Variants in TACC2 observed in about 807,000 individuals in gnomAD.
TACC2 encodes transforming acidic coiled-coil-containing protein 2.
TACC2 carries 137 observed loss-of-function variants against 227.3 expected under a neutral mutation model. The ratio of observed to expected loss-of-function variants is 0.60; its 90% CI spans 0.52 to 0.69. The LOEUF (loss-of-function observed/expected upper bound fraction) is 0.69, where lower values mean the gene tolerates loss of function less well. Among genes scored for constraint, TACC2 ranks in the 30% least tolerant of loss-of-function variants. The probability of loss-of-function intolerance (pLI) is 0.00; values close to 1 mark genes in which losing one functional copy is unlikely to be tolerated. For synonymous variants in TACC2, 1,523 were observed against 1,487.5 expected, an observed-to-expected ratio of 1.02 and a Z score of -0.55; for missense variants, 3,470 against 3,694.4, an observed-to-expected ratio of 0.94 and a Z score of 1.57.
Position 122,082,806 on chromosome 10 carries a change from GGAGCGA to G in TACC2, c.311_316del (p.Arg104_Glu105del). The stretch of plus-strand genomic sequence containing the variant: ...TGCTGCCCAGCCCACCACCGTCCCA[GGAGCGA>G]GAGCACCCCTCGTCCTCCATGCCCT... On this transcript the variant is annotated inframe_deletion, in exon 4 of 23. Transcript: ENST00000369005. The G allele has an allele frequency of 6.2e-7, 1 of 1,613,784 alleles. No homozygotes were observed. Among genetic ancestry groups the G allele is most frequent in the South Asian group, 1.1e-5 (1 of 91,080 alleles).
chr10:122,040,190 G>A (rs1010086976), intron 2 of TACC2, among the ~76,000 whole-genome samples: 5 of 152,208 alleles, frequency 3.3e-5, no homozygotes, highest in African/African-American at 1.2e-4. Flanking sequence ...CGGCTCTAAA[G>A]GGTGACTCGT....
chr10:122,086,560 G>A lies in TACC2; in HGVS notation c.4060G>A (p.Gly1354Ser). The change falls in exon 4 of 23, where the codon GGT (glycine) becomes AGT (serine). Residue 1354 changes from glycine (G) to serine (S), a missense_variant. This residue lies in a region of TACC2 where 1,924 missense variants were observed against 1,978.3 expected (regional missense o/e 0.97). Transcript: ENST00000369005. ...GAAAGCAGCAACAGCTCCAGGTGCA[G>A]GTGCCAAGGCCAGTGGGGAGGGCAT... ...EEKAATAPGA[G>S]AKASGEGMAG... 3 of 1,605,034 alleles carry A rather than the reference G, an allele frequency of 1.9e-6. No individual in the cohort carries two copies. The highest frequency in any genetic ancestry group is 1.7e-6 in the Non-Finnish European group (2 of 1,175,488).
At position 122,254,154 on chromosome 10, in the gene TACC2, T is replaced by C. The variant is rs1275047558; in HGVS notation, c.*98T>C. ...CCATGGACAGGTTCTGTTTTCACTT[T>C]TTCGTATGCACTACTGTATTTCCTT... On this transcript the variant is annotated 3_prime_UTR_variant, in exon 23 of 23. Coordinates refer to ENST00000369005, the MANE Select transcript of TACC2 (RefSeq NM_206862.4). 5 of 961,534 alleles carry C rather than the reference T, an allele frequency of 5.2e-6. No individual in the cohort carries two copies. The highest frequency in any genetic ancestry group is 1.7e-5 in the Admixed American group (1 of 58,796). 59.6% of individuals were successfully genotyped at this position (961,534 alleles called of 1,614,324 possible).
intron 1 of TACC2, among the ~76,000 whole-genome samples, chr10:121,991,872 A>C (rs1953039998): frequency 6.6e-6 from 1 of 152,234 alleles, no homozygotes; most frequent in South Asian, 2.1e-4. Flanking sequence ...GGGAGGCCTC[A>C]TAATCATGGC....
rs181203258 is a variant in TACC2, at chr10:122,033,327, G to A, written c.33+11313G>A. On this transcript the variant is annotated intron_variant, in intron 2 of 22. Transcript: ENST00000369005. Reference sequence around the variant, plus strand: ...TAAGTTGTAAAACACAGTCGAAATCGACAATTTATGTTTAGATTTTTTAGG... The same window carrying A: ...TAAGTTGTAAAACACAGTCGAAATCAACAATTTATGTTTAGATTTTTTAGG... 2.5e-4 allele frequency among the ~76,000 whole-genome samples: 38 copies of A among 152,254 alleles called. 1 individual carries two copies. Among genetic ancestry groups the A allele is most frequent in the South Asian group, 6.2e-4 (3 of 4,828 alleles).
At chr10:122,116,449 C>T (rs2084715221) in intron 5 of TACC2, among the ~76,000 whole-genome samples, 1 of 152,104 alleles carries the variant, frequency 6.6e-6, no homozygotes, top group Non-Finnish European at 1.5e-5. Context: ...AGACAAAGAT[C>T]CTATATTGGA....
intron 2 of TACC2, among the ~76,000 whole-genome samples, chr10:122,048,891 T>C (rs1466032525): frequency 6.6e-6 from 1 of 152,248 alleles, no homozygotes; most frequent in Non-Finnish European, 1.5e-5. Flanking sequence ...TAAACTGTGG[T>C]ACATAAACAA....
At chr10:122,163,802 T>C (rs1206684401) in intron 7 of TACC2, 2 of 1,264,678 alleles carry the variant, frequency 1.6e-6, no homozygotes, top group East Asian at 3.2e-5. Context: ...TGCCCGCAGC[T>C]GCTCCCCTCT....
intron 16 of TACC2, among the ~76,000 whole-genome samples, chr10:122,231,442 T>C (rs2095746891): frequency 6.6e-6 from 1 of 152,240 alleles, no homozygotes; most frequent in African/African-American, 2.4e-5. Flanking sequence ...TACAGGTTGC[T>C]GTGAGGATGA....
chr10:122,067,413 T>C (rs1296748723), intron 3 of TACC2, among the ~76,000 whole-genome samples: 1 of 152,146 alleles, frequency 6.6e-6, no homozygotes, highest in Non-Finnish European at 1.5e-5. Flanking sequence ...GTTCTTTTTT[T>C]CTCTGGCTAC....
chr10:122,181,465 T>C (rs1452064954), intron 7 of TACC2, among the ~76,000 whole-genome samples: 1 of 152,140 alleles, frequency 6.6e-6, no homozygotes, highest in Admixed American at 6.5e-5. Flanking sequence ...GTGCCTGGGA[T>C]TGTGCAAGGT....
intron 3 of TACC2, among the ~76,000 whole-genome samples, chr10:122,056,316 A>G (rs979294353): frequency 6.6e-6 from 1 of 152,198 alleles, no homozygotes; most frequent in Non-Finnish European, 1.5e-5. Context: ...CTGGGATTAC[A>G]GGTGCCTGCC....
intron 7 of TACC2, chr10:122,163,869 C>G: frequency 6.6e-7 from 1 of 1,523,454 alleles, no homozygotes; most frequent in Non-Finnish European, 8.8e-7. Flanking sequence ...CTGCAGGAAT[C>G]GCGCCAGGAC....
At position 122,150,075 on chromosome 10, in the gene TACC2, C is replaced by T. The variant is rs1479866280; in HGVS notation, c.5834+6369C>T. On this transcript the variant is annotated intron_variant, in intron 7 of 22. Transcript: ENST00000369005. This position sits in a 1 kb window ranked among gnomAD's most constrained non-coding sequence, Gnocchi z 4.0. ...GAGGGCGTCAGTTAGATGGTGGCTC[C>T]CTCAGTTCCGTGGGCCCAGGTCTGC... Among the ~76,000 whole-genome samples, 1 of 152,210 alleles carries T rather than the reference C, an allele frequency of 6.6e-6. No homozygotes were observed. The highest frequency in any genetic ancestry group is 1.5e-5 in the Non-Finnish European group (1 of 68,042).
At chr10:122,222,755 A>G (rs2095545575) in intron 11 of TACC2, among the ~76,000 whole-genome samples, 1 of 151,980 alleles carries the variant, frequency 6.6e-6, no homozygotes, top group Non-Finnish European at 1.5e-5. Context: ...CCCCTGGAAA[A>G]ACTCTGCGGT....
At chr10:122,097,604 G>A (rs1012164587) in intron 5 of TACC2, among the ~76,000 whole-genome samples, 1 of 152,094 alleles carries the variant, frequency 6.6e-6, no homozygotes, top group Non-Finnish European at 1.5e-5. Flanking sequence ...TGAGGCTGAG[G>A]ATGAGATCAA....
chr10:122,081,214 TA>T (rs1565231463), intron 3 of TACC2, among the ~76,000 whole-genome samples: 1 of 152,084 alleles, frequency 6.6e-6, no homozygotes, highest in Non-Finnish European at 1.5e-5. Context: ...ATATTATTTT[TA>T]AAATTAAAAA....
At chr10:122,110,063 A>G (rs1478406375) in intron 5 of TACC2, among the ~76,000 whole-genome samples, 3 of 152,190 alleles carry the variant, frequency 2.0e-5, no homozygotes, top group African/African-American at 7.2e-5. Flanking sequence ...TAACTCCAGA[A>G]ACCCTAGGAC....
In TACC2 at chr10:122,211,106, C is replaced by G. The variant is rs554653985; in HGVS notation, c.6681C>G (p.Pro2227=). 7.4e-6 allele frequency: 12 copies of G among 1,611,634 alleles called. No individual in the cohort carries two copies. Among genetic ancestry groups the G allele is most frequent in the Non-Finnish European group, 1.0e-5 (12 of 1,179,032 alleles). The change falls in exon 9 of 23, where the codon CCC becomes CCG. Residue 2227 remains proline, a synonymous_variant. Coordinates refer to ENST00000369005, the MANE Select transcript of TACC2 (RefSeq NM_206862.4). ...ASGGGRVQNS[P]PVGRKTLPLT... Reference sequence around the variant, plus strand: ...GAGGTGGCAGAGTGCAGAACTCACCCCCTGTCGGGAGGAAAACGCTGCCTC... The same window carrying G: ...GAGGTGGCAGAGTGCAGAACTCACCGCCTGTCGGGAGGAAAACGCTGCCTC...
Sources: allele counts gnomAD v4.1 joint callset (sites outside exome capture counted in the v4.1 genomes callset), GRCh38; gene constraint gnomAD v4.1.1; regional missense constraint gnomAD v4.1.1; non-coding constraint Gnocchi (gnomAD v3.1); transcripts MANE v1.5; gene names NCBI Gene and HGNC (gene_info 2026-07-23, HGNC 2026-07-21).